The following OSBP2 variants were observed in gnomAD, a reference collection of about 807,000 sequenced individuals.
OSBP2 encodes the protein oxysterol binding protein 2, also known as oxysterol-binding protein 2.
OSBP2 carries 66 observed loss-of-function variants against 96.0 expected under a neutral mutation model. That is an observed-to-expected ratio of 0.69 (90% confidence interval 0.56 to 0.84). OSBP2 has a LOEUF of 0.84. OSBP2 is among the 40% of genes least tolerant of loss of function. The pLI is 0.00. For missense variants in OSBP2, 1,038 were observed against 1,222.7 expected, an observed-to-expected ratio of 0.85 and a Z score of 2.25; for synonymous variants, 525 against 520.9, an observed-to-expected ratio of 1.01 and a Z score of -0.11.
intron 2 of OSBP2, among the ~76,000 whole-genome samples, chr22:30,803,461 A>G (rs527383717): frequency 7.9e-5 from 12 of 152,332 alleles, no homozygotes; most frequent in Non-Finnish European, 1.6e-4. Flanking sequence ...ACAACAAGGT[A>G]CCAGGAAAAG....
intron 2 of OSBP2, among the ~76,000 whole-genome samples, chr22:30,744,094 T>C (rs1369925158): frequency 6.6e-6 from 1 of 152,164 alleles, no homozygotes; most frequent in East Asian, 1.9e-4. Context: ...GAACCATGTA[T>C]GTGAAGGAAA....
intron 1 of OSBP2, among the ~76,000 whole-genome samples, chr22:30,716,685 G>T (rs975653240): frequency 6.6e-6 from 1 of 152,028 alleles, no homozygotes; most frequent in South Asian, 2.1e-4. Context: ...TGATCTGCCC[G>T]CCTCAGCTTC....
At chr22:30,762,033 C>T (rs757879472) in intron 2 of OSBP2, among the ~76,000 whole-genome samples, 23 of 151,740 alleles carry the variant, frequency 1.5e-4, no homozygotes, top group Non-Finnish European at 2.8e-4. Flanking sequence ...CCAGCCTGGG[C>T]GATATGGCGA....
intron 1 of OSBP2, among the ~76,000 whole-genome samples, chr22:30,695,990 G>A (rs2089024937): frequency 6.6e-6 from 1 of 152,124 alleles, no homozygotes; most frequent in African/African-American, 2.4e-5. Flanking sequence ...CTTAGGAAGG[G>A]CTGCTTATTC....
At chr22:30,873,990 ACT>A (rs1289144862) in intron 3 of OSBP2, among the ~76,000 whole-genome samples, 1 of 152,134 alleles carries the variant, frequency 6.6e-6, no homozygotes, top group Non-Finnish European at 1.5e-5. Flanking sequence ...TAATCCCAAC[ACT>A]CTGGGAGGCT....
At chr22:30,884,335 G>T (rs2039765225) in intron 3 of OSBP2, among the ~76,000 whole-genome samples, 1 of 152,186 alleles carries the variant, frequency 6.6e-6, no homozygotes, top group African/African-American at 2.4e-5. Context: ...AGACAGGGCA[G>T]CTTGTGGGCA....
At chr22:30,894,040 A>G (rs749817939) in intron 12 of OSBP2, 39 bp downstream of exon 12, 102 of 1,545,528 alleles carry the variant, frequency 6.6e-5, no homozygotes, top group Non-Finnish European at 8.6e-5. Context: ...CAGGCAAAGG[A>G]GAGGGAAGGA....
intron 2 of OSBP2, among the ~76,000 whole-genome samples, chr22:30,845,411 G>A (rs1000068484): frequency 6.6e-6 from 1 of 151,734 alleles, no homozygotes; most frequent in African/African-American, 2.4e-5. Context: ...CTACAAGAGT[G>A]AGACTGCATC....
At chr22:30,759,086 G>A (rs753178491) in intron 2 of OSBP2, among the ~76,000 whole-genome samples, 7 of 152,196 alleles carry the variant, frequency 4.6e-5, no homozygotes, top group Non-Finnish European at 8.8e-5. Context: ...AGGGCCGGGC[G>A]CAGTGTAACC....
chr22:30,730,239 A>G (rs1305745732), intron 1 of OSBP2, among the ~76,000 whole-genome samples: 1 of 152,200 alleles, frequency 6.6e-6, no homozygotes, highest in Non-Finnish European at 1.5e-5. Flanking sequence ...CTGGGATTAC[A>G]GGCGCGAGCC....
At chr22:30,845,391 C>G (rs1023323360) in intron 2 of OSBP2, among the ~76,000 whole-genome samples, 13 of 151,754 alleles carry the variant, frequency 8.6e-5, no homozygotes, top group Non-Finnish European at 1.9e-4. Context: ...CCATTGCACT[C>G]CAGCCTGGGC....
At chr22:30,767,166 C>A (rs571247008) in intron 2 of OSBP2, among the ~76,000 whole-genome samples, 2 of 138,978 alleles carry the variant, frequency 1.4e-5, no homozygotes, top group Non-Finnish European at 3.1e-5. Flanking sequence ...AAAAATTAGC[C>A]GGGCGTTGTG....
intron 1 of OSBP2, among the ~76,000 whole-genome samples, chr22:30,703,169 ATT>A (rs36121870): frequency 3.0e-4 from 44 of 147,618 alleles, no homozygotes; most frequent in African/African-American, 9.4e-4. Context: ...CCAGTATCTT[ATT>A]TTTTTTTTTT....
intron 2 of OSBP2, among the ~76,000 whole-genome samples, chr22:30,821,788 C>T (rs1032009791): frequency 1.1e-4 from 17 of 152,200 alleles, no homozygotes; most frequent in Non-Finnish European, 2.9e-5. Flanking sequence ...ATTCTTTAAC[C>T]TTGTAGACCT....
chr22:30,771,784 G>A (rs577803530), intron 2 of OSBP2, among the ~76,000 whole-genome samples: 1 of 152,362 alleles, frequency 6.6e-6, no homozygotes, highest in South Asian at 2.1e-4. Flanking sequence ...TAGAAACTGA[G>A]GCTGAGCTTG....
chr22:30,864,438 G>T (rs78991861), intron 2 of OSBP2, among the ~76,000 whole-genome samples: 10,654 of 152,206 alleles, frequency 0.07, 530 homozygotes, highest in Non-Finnish European at 0.1. Flanking sequence ...TGTGTGCGGC[G>T]TGGCTCAGGA....
At chr22:30,779,112 C>T (rs1392289168) in intron 2 of OSBP2, among the ~76,000 whole-genome samples, 4 of 151,516 alleles carry the variant, frequency 2.6e-5, no homozygotes, top group South Asian at 2.1e-4. Context: ...TACAGAATTT[C>T]GCTTTTTTGC....
chr22:30,875,946 C>G (rs2039569766), intron 3 of OSBP2, among the ~76,000 whole-genome samples: 1 of 152,264 alleles, frequency 6.6e-6, no homozygotes, highest in South Asian at 2.1e-4. Flanking sequence ...CAGGCATGTG[C>G]TCATCAGTGT....
At chr22:30,761,332 T>C (rs943960900) in intron 2 of OSBP2, among the ~76,000 whole-genome samples, 1 of 152,148 alleles carries the variant, frequency 6.6e-6, no homozygotes, top group Non-Finnish European at 1.5e-5. Flanking sequence ...TAACAAAAAA[T>C]TTTTAAAAAT....
Sources: allele counts gnomAD v4.1 joint callset (sites outside exome capture counted in the v4.1 genomes callset), GRCh38; gene constraint gnomAD v4.1.1; transcripts MANE v1.5; gene names NCBI Gene and HGNC (gene_info 2026-07-23, HGNC 2026-07-21).